The following SGK1 variants were observed in gnomAD, a reference collection of about 807,000 sequenced individuals.
SGK1 encodes the protein serine/threonine-protein kinase Sgk1.
In SGK1, 26 loss-of-function variants were observed where a neutral mutation model predicts 64.2. That is an observed-to-expected ratio of 0.40 (90% CI 0.30 to 0.56). SGK1 has a LOEUF of 0.56. Among genes scored for constraint, SGK1 ranks in the 20% least tolerant of loss-of-function variants. SGK1 has a pLI of 0.38. For missense variants in SGK1, 519 were observed against 645.6 expected (o/e 0.80, Z 2.12); for synonymous variants, 265 against 239.7 (o/e 1.11, Z -0.98).
Position 134,264,643 on chromosome 6 carries a change from A to AT in SGK1, c.70-2496dup, listed in dbSNP as rs1279104336. Among the ~76,000 whole-genome samples, 677 of 151,514 alleles carry AT rather than the reference A, an allele frequency of 4.5e-3. 5 individuals are homozygous for AT. Among genetic ancestry groups the AT allele is most frequent in the African/African-American group, 0.016 (645 of 40,978 alleles). The stretch of plus-strand genomic sequence containing the variant: ...TGATGCTACAATTATTATTATTATT[A>AT]TTTTTGTTGTTGTTGTTGTTAAAGG... On this transcript the variant is annotated intron_variant, in intron 1 of 13. Coordinates refer to ENST00000367858, the MANE Select transcript of SGK1 (RefSeq NM_001143676.3).
intron 2 of SGK1, among the ~76,000 whole-genome samples, chr6:134,233,484 A>G (rs1582731887): frequency 1.3e-5 from 2 of 152,234 alleles, no homozygotes; most frequent in Non-Finnish European, 2.9e-5. Flanking sequence ...CCCAAAGTAA[A>G]TGAAAATCCA....
intron 1 of SGK1, among the ~76,000 whole-genome samples, chr6:134,315,868 C>G (rs562123914): frequency 6.6e-6 from 1 of 151,888 alleles, no homozygotes; most frequent in African/African-American, 2.4e-5. Flanking sequence ...AGCAAGACCC[C>G]GTCTCTAAAA....
chr6:134,173,398 C>T (rs761439517), intron 6 of SGK1, 41 bp from the exon 7 acceptor site: 1 of 1,587,376 alleles, frequency 6.3e-7, no homozygotes, highest in East Asian at 2.2e-5. Flanking sequence ...CTATCCTCAT[C>T]CAGGGAGAAT....
At chr6:134,174,653 C>T (rs1329297621) in intron 3 of SGK1, 67 bp from the exon 4 acceptor site, 2 of 1,607,212 alleles carry the variant, frequency 1.2e-6, no homozygotes, top group Admixed American at 1.7e-5. Context: ...GCCACACACA[C>T]TAATCTGATC....
chr6:134,298,045 C>T, intron 1 of SGK1: 1 of 1,045,294 alleles, frequency 9.6e-7, no homozygotes, highest in East Asian at 2.4e-5. Context: ...CATACAGCTG[C>T]CTCAGGAAGT....
At chr6:134,286,068 G>C (rs1464701179) in intron 1 of SGK1, among the ~76,000 whole-genome samples, 1 of 152,230 alleles carries the variant, frequency 6.6e-6, no homozygotes, top group Middle Eastern at 3.2e-3. Flanking sequence ...GATGACTACA[G>C]TCTGGAAGTA....
At chr6:134,222,967 T>C (rs1158694509) in intron 2 of SGK1, among the ~76,000 whole-genome samples, 1 of 152,212 alleles carries the variant, frequency 6.6e-6, no homozygotes, top group Admixed American at 6.5e-5. Flanking sequence ...TCTAATTTGC[T>C]TAAACCAACT....
intron 3 of SGK1, among the ~76,000 whole-genome samples, chr6:134,186,123 A>C (rs1363920119): frequency 6.6e-6 from 1 of 152,186 alleles, no homozygotes; most frequent in Non-Finnish European, 1.5e-5. Context: ...CTTAAAATTA[A>C]CCATCACACG....
At chr6:134,301,306 G>A (rs1270399837) in intron 1 of SGK1, among the ~76,000 whole-genome samples, 1 of 152,142 alleles carries the variant, frequency 6.6e-6, no homozygotes, top group East Asian at 1.9e-4. Context: ...TACAGTAAGA[G>A]GGAAAGGGCA....
In SGK1 at chr6:134,232,638, T is replaced by C. The variant is rs547956284; in HGVS notation, c.286-25207A>G. Among the ~76,000 whole-genome samples the C allele has an allele frequency of 6.0e-3, 915 of 151,714 alleles. 7 individuals are homozygous for C. The highest frequency in any genetic ancestry group is 0.021 in the African/African-American group (875 of 41,382). On this transcript the variant is annotated intron_variant, in intron 2 of 13. Coordinates refer to ENST00000367858, the MANE Select transcript of SGK1 (RefSeq NM_001143676.3). ...GGCCGAGGTGGGCAGATCAATTGAG[T>C]CCAGGAGTTCGAGACCAGCCTGGCC...
At chr6:134,223,290 C>A (rs1776119570) in intron 2 of SGK1, among the ~76,000 whole-genome samples, 1 of 151,598 alleles carries the variant, frequency 6.6e-6, no homozygotes, top group African/African-American at 2.4e-5. Flanking sequence ...ATCGCTTGAA[C>A]CCGGGAGGTG....
intron 3 of SGK1, among the ~76,000 whole-genome samples, chr6:134,184,477 C>A (rs993823815): frequency 2.3e-5 from 3 of 133,080 alleles, no homozygotes; most frequent in Admixed American, 8.6e-5. Flanking sequence ...TGCACTCCAG[C>A]CTGGGTGACA....
In SGK1 at chr6:134,172,233, T is replaced by G; in HGVS notation, c.1031A>C (p.Glu344Ala). 1.9e-6 allele frequency: 3 copies of G among 1,614,222 alleles called. No homozygotes were observed. The highest frequency in any genetic ancestry group is 2.5e-6 in the Non-Finnish European group (3 of 1,180,040). The change falls in exon 10 of 14, where the codon GAA becomes GCA. Residue 344 changes from glutamate to alanine, a missense_variant. Transcript: ENST00000367858. Reference sequence around the variant, plus strand: ...GAAGGTGGATGTTGTGCTGTTGTGTTCAATGTTCTCCTTGCAGAGTCCGAA... The same window carrying G: ...GAAGGTGGATGTTGTGCTGTTGTGTGCAATGTTCTCCTTGCAGAGTCCGAA... Reference protein sequence around the residue: ...TDFGLCKENIEHNSTTSTFCG... With the variant: ...TDFGLCKENIAHNSTTSTFCG...
At chr6:134,258,634 G>A (rs1302674519) in intron 2 of SGK1, among the ~76,000 whole-genome samples, 1 of 152,162 alleles carries the variant, frequency 6.6e-6, no homozygotes, top group African/African-American at 2.4e-5. Context: ...GAACCTGGGA[G>A]GCAGAGATTC....
chr6:134,194,711 C>T (rs921365854), intron 3 of SGK1, among the ~76,000 whole-genome samples: 3 of 151,866 alleles, frequency 2.0e-5, no homozygotes, highest in Non-Finnish European at 4.4e-5. Flanking sequence ...TTGGTAGAGA[C>T]GAGGTTTCAC....
chr6:134,289,229 G>A (rs762707883), intron 1 of SGK1, among the ~76,000 whole-genome samples: 2 of 152,170 alleles, frequency 1.3e-5, no homozygotes, highest in Admixed American at 1.3e-4. Flanking sequence ...TGTGGAGTTC[G>A]GCTGCACATT....
chr6:134,303,252 C>G (rs111851860), intron 1 of SGK1, among the ~76,000 whole-genome samples: 7,495 of 151,786 alleles, frequency 0.049, 243 homozygotes, highest in Non-Finnish European at 0.074. Context: ...ATTAGCGGGG[C>G]GTGGTGGCAG....
In SGK1 at chr6:134,233,929, T is replaced by C. The variant is rs1776326537; in HGVS notation, c.286-26498A>G. ...ATAGAGGAACAAAAACCTATTTTAGTTGTAGTTATAAATTTCTAGAAATTC... is the reference window on the plus strand; with the variant it reads ...ATAGAGGAACAAAAACCTATTTTAGCTGTAGTTATAAATTTCTAGAAATTC... On this transcript the variant is annotated intron_variant, in intron 2 of 13. Transcript: ENST00000367858. Among the ~76,000 whole-genome samples the C allele has an allele frequency of 3.9e-5, 6 of 152,058 alleles. No homozygotes were observed. In the South Asian group the frequency reaches 1.2e-3, roughly 32 times the overall value.
chr6:134,177,200 G>A (rs2114648363), intron 3 of SGK1, among the ~76,000 whole-genome samples: 1 of 151,950 alleles, frequency 6.6e-6, no homozygotes, highest in African/African-American at 2.4e-5. Flanking sequence ...GCAACAGAGC[G>A]AGACTCCGTC....
Sources: gnomAD v4.1 joint callset for allele counts (sites outside exome capture counted in the v4.1 genomes callset) on GRCh38, gnomAD v4.1.1 for gene constraint, MANE v1.5 for transcripts, NCBI Gene and HGNC (gene_info 2026-07-23, HGNC 2026-07-21) for gene names.